The following GUCY2C variants were observed in gnomAD, a reference collection of about 807,000 sequenced individuals.
GUCY2C encodes guanylyl cyclase C.
A neutral mutation model predicts 131.1 loss-of-function variants in GUCY2C; 118 were observed. The ratio of observed to expected loss-of-function variants is 0.90; its 90% CI spans 0.78 to 1.05. The LOEUF is 1.05. Ranked by LOEUF, GUCY2C falls within the 50% of genes least tolerant of loss-of-function variation. The probability of loss-of-function intolerance (pLI) is 0.00; values close to 1 mark genes in which losing one functional copy is unlikely to be tolerated. For synonymous variants in GUCY2C, 452 were observed against 457.8 expected, an observed-to-expected ratio of 0.99 and a Z score of 0.16; for missense variants, 1,161 against 1,304.4, an observed-to-expected ratio of 0.89 and a Z score of 1.69.
chr12:14,676,213 C>A (rs1268782204), intron 7 of GUCY2C, among the ~76,000 whole-genome samples: 1 of 152,094 alleles, frequency 6.6e-6, no homozygotes, highest in East Asian at 1.9e-4. Flanking sequence ...CTGACAAAGC[C>A]CAATATACTA....
At chr12:14,650,248 T>C (rs1215323804) in intron 15 of GUCY2C, among the ~76,000 whole-genome samples, 2 of 152,134 alleles carry the variant, frequency 1.3e-5, no homozygotes, top group Non-Finnish European at 2.9e-5. Context: ...TTATTATTAT[T>C]ATTCATTTAT....
chr12:14,682,188 G>A (rs1185119986), intron 4 of GUCY2C, among the ~76,000 whole-genome samples: 1 of 152,062 alleles, frequency 6.6e-6, no homozygotes, highest in Non-Finnish European at 1.5e-5. Flanking sequence ...ATATGGTTAG[G>A]CTTTGTGTCC....
intron 4 of GUCY2C, 28 bp from the exon 5 acceptor site, chr12:14,681,505 C>G: frequency 1.3e-6 from 2 of 1,592,798 alleles, no homozygotes; most frequent in East Asian, 2.2e-5. Flanking sequence ...GAAACTAAAA[C>G]AGCTTACTTC....
rs1378248892 is a variant in GUCY2C, at chr12:14,631,800, T to C, written c.2158-3063A>G. Among the ~76,000 whole-genome samples, 371 of 150,358 alleles carry C rather than the reference T, an allele frequency of 2.5e-3. 1 individual carries two copies. The highest frequency in any genetic ancestry group is 8.4e-3 in the African/African-American group (341 of 40,712). On this transcript the variant is annotated intron_variant, in intron 19 of 26. Transcript: ENST00000261170. ...TTCTAGTTCTAGATCCCTGAGGAAT[T>C]GCCACACTGACTTCCACAATGGTTG...
chr12:14,680,118 TC>T (rs11336447), intron 5 of GUCY2C, among the ~76,000 whole-genome samples: 110,545 of 151,968 alleles, frequency 0.73, 42,587 homozygotes, highest in Non-Finnish European at 0.86. Context: ...GAATATATTG[TC>T]ATAGATAAGT....
intron 19 of GUCY2C, among the ~76,000 whole-genome samples, chr12:14,632,429 T>C (rs1947165105): frequency 6.6e-6 from 1 of 152,170 alleles, no homozygotes; most frequent in African/African-American, 2.4e-5. Context: ...TCAGGTAAAA[T>C]GCTAAAAGGA....
intron 19 of GUCY2C, 32 bp from the exon 20 acceptor site, chr12:14,628,769 A>G (rs1565608606): frequency 8.9e-6 from 9 of 1,009,316 alleles, no homozygotes; most frequent in Non-Finnish European, 1.4e-5. Flanking sequence ...AAATTAGCTA[A>G]GGGGATAGTA....
chr12:14,623,373 A>T (rs1946933453), intron 21 of GUCY2C, among the ~76,000 whole-genome samples: 2 of 152,366 alleles, frequency 1.3e-5, no homozygotes, highest in South Asian at 4.1e-4. Flanking sequence ...GAGAACCTCC[A>T]GAGTATCCGG....
intron 3 of GUCY2C, among the ~76,000 whole-genome samples, chr12:14,685,907 A>C (rs1302141113): frequency 1.3e-5 from 2 of 152,042 alleles, no homozygotes; most frequent in East Asian, 1.9e-4. Context: ...CTTTCTCTCA[A>C]AACTCTGACT....
At chr12:14,657,176 T>C (rs188365745) in intron 11 of GUCY2C, among the ~76,000 whole-genome samples, 14 of 152,084 alleles carry the variant, frequency 9.2e-5, no homozygotes, top group Non-Finnish European at 2.1e-4. Context: ...CTTTCCTAGG[T>C]TTTTCACTAA....
At chr12:14,673,054 C>A (rs936994435) in intron 8 of GUCY2C, 96 bp from the exon 9 acceptor site, 3 of 720,650 alleles carry the variant, frequency 4.2e-6, no homozygotes, top group African/African-American at 1.7e-5. Context: ...GTTCAAATAG[C>A]TCTGTTTCAA....
Position 14,632,713 on chromosome 12 carries a change from C to G in GUCY2C, c.2158-3976G>C, listed in dbSNP as rs139578323. On this transcript the variant is annotated intron_variant, in intron 19 of 26. Coordinates refer to ENST00000261170, the MANE Select transcript of GUCY2C (RefSeq NM_004963.4). ...TACTGAAGCCAGTGCCTGTACACAC[C>G]ACAGGGTGGGGACTGAAGACAGGTC... is the stretch of plus-strand genomic sequence containing the variant. Among the ~76,000 whole-genome samples, 24 of 152,276 alleles carry G rather than the reference C, an allele frequency of 1.6e-4. No homozygotes were observed. The East Asian group carries it at 4.6e-3, about 29-fold the overall frequency.
rs1386211293 is a variant in GUCY2C at position 14,696,179 on chromosome 12, T to C, written c.217+53A>G. ...ACAAGGTCTTTGCTTAGCAACATTTTGTCCCCAGAGGTAGTAACAGAGTGG... is the reference window on the plus strand; with the variant it reads ...ACAAGGTCTTTGCTTAGCAACATTTCGTCCCCAGAGGTAGTAACAGAGTGG... On this transcript the variant is annotated intron_variant, in intron 1 of 26. Coordinates refer to ENST00000261170, the MANE Select transcript of GUCY2C (RefSeq NM_004963.4). 2.9e-6 allele frequency: 4 copies of C among 1,395,178 alleles called. No individual in the cohort carries two copies. The African/African-American group carries it at 4.2e-5, about 15-fold the overall frequency. 86.4% of individuals were successfully genotyped at this position (1,395,178 alleles called of 1,614,324 possible).
At chr12:14,671,931 G>A (rs759958164) in intron 9 of GUCY2C, among the ~76,000 whole-genome samples, 4 of 152,184 alleles carry the variant, frequency 2.6e-5, no homozygotes, top group Non-Finnish European at 5.9e-5. Context: ...TTTATGGAAT[G>A]CTGCTAGCAA....
chr12:14,627,851 A>G (rs1335022564), intron 20 of GUCY2C, among the ~76,000 whole-genome samples: 1 of 152,208 alleles, frequency 6.6e-6, no homozygotes, highest in Non-Finnish European at 1.5e-5. Flanking sequence ...ATTAATGACC[A>G]CACGTTCATT....
Position 14,619,306 on chromosome 12 carries a change from G to C in GUCY2C, c.2780C>G (p.Pro927Arg). 2 of 1,603,918 alleles carry C rather than the reference G, an allele frequency of 1.2e-6. No homozygotes were observed. The highest frequency in any genetic ancestry group is 1.7e-6 in the Non-Finnish European group (2 of 1,170,790). Residue 927 changes from proline (P) to arginine (R), a missense_variant, in exon 24 of 27, where the codon CCC (proline) becomes CGC (arginine). Transcript: ENST00000261170. The part of the protein sequence containing the change: ...IWIRIGVHSG[P>R]CAAGVVGIKM... Reference sequence around the variant, plus strand: ...GATTCCCACAACTCCAGCAGCACAGGGACCTGAAATGAAGGACAGAAAGCA... The same window carrying C: ...GATTCCCACAACTCCAGCAGCACAGCGACCTGAAATGAAGGACAGAAAGCA...
Position 14,683,262 on chromosome 12 carries a change from G to C in GUCY2C, c.396-5C>G. ...TAGCTCAATTCTGTGTCAAGGCTAT[G>C]TCAAGAGGTTGAGGAAAAAAGCCAT... On this transcript the variant is annotated splice_polypyrimidine_tract_variant and splice_region_variant and intron_variant, in intron 3 of 26. Coordinates refer to ENST00000261170, the MANE Select transcript of GUCY2C (RefSeq NM_004963.4). 1 of 1,599,740 alleles carries C rather than the reference G, an allele frequency of 6.3e-7. No homozygotes were observed. Among genetic ancestry groups the C allele is most frequent in the Non-Finnish European group, 8.6e-7 (1 of 1,167,486 alleles).
At position 14,652,969 on chromosome 12, in the gene GUCY2C, A is replaced by G. The variant is rs1226669570; in HGVS notation, c.1516T>C (p.Cys506Arg). ...RRDTIQRLRQ[C>R]KYDKKRVILK... Reference sequence around the variant, plus strand: ...GAGGTCACCTTTTTGTCGTATTTGCACTGTCGTAGTCTCTGGATTGTATCT... The same window carrying G: ...GAGGTCACCTTTTTGTCGTATTTGCGCTGTCGTAGTCTCTGGATTGTATCT... Residue 506 changes from cysteine to arginine, a missense_variant, in exon 13 of 27, where the codon TGC becomes CGC. Coordinates refer to ENST00000261170, the MANE Select transcript of GUCY2C (RefSeq NM_004963.4). 1 of 1,611,132 alleles carries G rather than the reference A, an allele frequency of 6.2e-7. No homozygotes were observed. Among genetic ancestry groups the G allele is most frequent in the Non-Finnish European group, 8.5e-7 (1 of 1,177,256 alleles).
chr12:14,648,291 A>G (rs1235285554), intron 15 of GUCY2C, among the ~76,000 whole-genome samples: 1 of 151,104 alleles, frequency 6.6e-6, no homozygotes, highest in Non-Finnish European at 1.5e-5. Flanking sequence ...AAAAAAATCT[A>G]TTCCTTTTGT....
Sources: allele counts gnomAD v4.1 joint callset (sites outside exome capture counted in the v4.1 genomes callset), GRCh38; gene constraint gnomAD v4.1.1; transcripts MANE v1.5; gene names NCBI Gene and HGNC (gene_info 2026-07-23, HGNC 2026-07-21).